SLC16A13: variants seen among roughly 807,000 people sequenced by gnomAD.
The protein encoded by SLC16A13 is solute carrier family 16 member 13, also known as monocarboxylate transporter 13.
In SLC16A13, 28 loss-of-function variants were observed where a neutral mutation model predicts 28.1. That is an observed-to-expected ratio of 1.00 (90% CI 0.74 to 1.37). SLC16A13 has a LOEUF of 1.37. Ranked by LOEUF, SLC16A13 falls within the 40% of genes most tolerant of loss-of-function variation. SLC16A13 has a pLI of 0.00. For missense variants in SLC16A13, 482 were observed against 531.8 expected (o/e 0.91, Z 0.92); for synonymous variants, 228 against 241.6 (o/e 0.94, Z 0.52).
rs1439843699 is a variant in SLC16A13 at position 7,036,935 on chromosome 17, G to T, written c.343+65G>T. 5 of 1,577,716 alleles carry T rather than the reference G, an allele frequency of 3.2e-6. No homozygotes were observed. In the East Asian group the frequency reaches 9.0e-5, roughly 28 times the overall value. ...ATCGTTGGATGTTCACCTCCTTCCTGCTCCTTCCAAAGGGTTCGGGGAGAA... is the reference window on the plus strand; with the variant it reads ...ATCGTTGGATGTTCACCTCCTTCCTTCTCCTTCCAAAGGGTTCGGGGAGAA... On this transcript the variant is annotated intron_variant, in intron 2 of 3. Coordinates refer to ENST00000308027, the MANE Select transcript of SLC16A13 (RefSeq NM_201566.3).
chr17:7,037,044 T>A, intron 2 of SLC16A13, 174 bp downstream of exon 2: 2 of 845,438 alleles, frequency 2.4e-6, no homozygotes, highest in Non-Finnish European at 3.6e-6. Flanking sequence ...GGTGAGGAAT[T>A]AGGAAATTCA....
In SLC16A13 at chr17:7,036,418, G is replaced by A. The variant is rs1164489397; in HGVS notation, c.36G>A (p.Trp12Ter). 1.2e-6 allele frequency: 2 copies of A among 1,611,884 alleles called. No individual in the cohort carries two copies. The highest frequency in any genetic ancestry group is 1.7e-6 in the Non-Finnish European group (2 of 1,179,918). The change falls in exon 1 of 4, where the codon TGG becomes TGA. Residue 12 changes from tryptophan to a stop codon, truncating the protein, a stop_gained. Transcript: ENST00000308027. LOFTEE classifies it high-confidence loss of function. ...ARRTEPPDGG[W>*]GWVVVLSAFF... ...GGACAGAGCCCCCCGACGGGGGCTG[G>A]GGATGGGTGGTGGTGCTCTCAGCGT...
In SLC16A13 at chr17:7,038,404, C is replaced by T; in HGVS notation, c.596C>T (p.Ala199Val). The change falls in exon 3 of 4, where the codon GCT becomes GTT. Residue 199 changes from alanine (A) to valine (V), a missense_variant. Coordinates refer to ENST00000308027, the MANE Select transcript of SLC16A13 (RefSeq NM_201566.3). This position sits in a 1 kb window ranked among gnomAD's most constrained non-coding sequence, Gnocchi z 5.7. Reference sequence around the variant, plus strand: ...CCACCCTCCCTGGCTGAGGACCCTGCTGTGGGTGGTCCCAGGGCCCAACTC... The same window carrying T: ...CCACCCTCCCTGGCTGAGGACCCTGTTGTGGGTGGTCCCAGGGCCCAACTC... ...LRPPSLAEDP[A>V]VGGPRAQLTS... is the part of the protein sequence containing the mutation. The T allele has an allele frequency of 6.2e-7, 1 of 1,614,134 alleles. No homozygotes were observed. The highest frequency in any genetic ancestry group is 1.3e-5 in the African/African-American group (1 of 75,038).
Position 7,038,687 on chromosome 17 carries a change from G to A in SLC16A13, c.879G>A (p.Val293=). 1 of 1,614,200 alleles carries A rather than the reference G, an allele frequency of 6.2e-7. No homozygotes were observed. Among genetic ancestry groups the A allele is most frequent in the Non-Finnish European group, 8.5e-7 (1 of 1,180,036 alleles). Residue 293 remains valine, a synonymous_variant, in exon 3 of 4, where the codon GTG becomes GTA. Transcript: ENST00000308027. The surrounding 1 kb of genome is among the most constrained non-coding windows in gnomAD (Gnocchi z 5.7). ...TGCTCTGGACCACCTTGACTGGGGT[G>A]TCACTAGCCCTGTTCCCTGTAGCTC... ...LLMLWTTLTG[V]SLALFPVAQA...
rs746676139 is a variant in SLC16A13 at position 7,038,933 on chromosome 17, C to T, written c.1081+44C>T. ...CCAGGGGGTGAGGGCTGCCATGTTG[C>T]ACAACTAGGGGAGGGTACTATTCTC... is the stretch of plus-strand genomic sequence containing the variant. On this transcript the variant is annotated intron_variant, in intron 3 of 3. Coordinates refer to ENST00000308027, the MANE Select transcript of SLC16A13 (RefSeq NM_201566.3). The surrounding 1 kb of genome is among the most constrained non-coding windows in gnomAD (Gnocchi z 5.7). 5.1e-6 allele frequency: 8 copies of T among 1,564,102 alleles called. No homozygotes were observed. The highest frequency in any genetic ancestry group is 1.4e-5 in the African/African-American group (1 of 73,678).
At chr17:7,037,157 C>A in intron 2 of SLC16A13, 1 of 240,178 alleles carries the variant, frequency 4.2e-6, no homozygotes. Context: ...TGAGACCAGC[C>A]TGGCCAACAT....
chr17:7,038,391 G>A lies in SLC16A13; in HGVS notation c.583G>A (p.Ala195Thr). 3.1e-6 allele frequency: 5 copies of A among 1,614,018 alleles called. No individual in the cohort carries two copies. The highest frequency in any genetic ancestry group is 4.2e-6 in the Non-Finnish European group (5 of 1,179,986). Residue 195 changes from alanine to threonine, a missense_variant, in exon 3 of 4, where the codon GCT becomes ACT. Physicochemically the swap from Ala to Thr is moderately conservative, Grantham distance 58. Transcript: ENST00000308027. The surrounding 1 kb of genome is among the most constrained non-coding windows in gnomAD (Gnocchi z 5.7). ...CGALLRPPSL[A>T]EDPAVGGPRA... The stretch of plus-strand genomic sequence containing the variant: ...TGCTCTCCTCCGCCCACCCTCCCTG[G>A]CTGAGGACCCTGCTGTGGGTGGTCC...
chr17:7,036,040 G>A lies in SLC16A13; in HGVS notation c.-343G>A. On this transcript the variant is annotated 5_prime_UTR_variant, in exon 1 of 4. The change creates a new upstream start codon in the 5' untranslated region. Coordinates refer to ENST00000308027, the MANE Select transcript of SLC16A13 (RefSeq NM_201566.3). ...ACACGGAAACTGGCGCGCTCCAGGG[G>A]TGGGGCCCAAACTCAGTTCCACCCT... 1 of 237,410 alleles carries A rather than the reference G, an allele frequency of 4.2e-6. No homozygotes were observed. The highest frequency in any genetic ancestry group is 8.3e-6 in the Non-Finnish European group (1 of 121,044). The allele number at this position is 237,410 out of a possible 1,614,324, so 14.7% of individuals were successfully genotyped here.
rs1910670325 is a variant in SLC16A13 at position 7,039,663 on chromosome 17, T to C, written c.1082-100T>C. 1 of 1,265,316 alleles carries C rather than the reference T, an allele frequency of 7.9e-7. No individual in the cohort carries two copies. Among genetic ancestry groups the C allele is most frequent in the South Asian group, 1.3e-5 (1 of 76,404 alleles). 78.4% of individuals were successfully genotyped at this position (1,265,316 alleles called of 1,614,324 possible). ...ACTATTCCATGGGAGTTCCAACTCC[T>C]CTGAGATGATAAGTCTTCCCTCCAC... On this transcript the variant is annotated intron_variant, in intron 3 of 3. Coordinates refer to ENST00000308027, the MANE Select transcript of SLC16A13 (RefSeq NM_201566.3). This position sits in a 1 kb window ranked among gnomAD's most constrained non-coding sequence, Gnocchi z 4.3.
At position 7,036,476 on chromosome 17, in the gene SLC16A13, C is replaced by T; in HGVS notation, c.94C>T (p.Arg32Cys). Residue 32 changes from arginine (R) to cysteine (C), a missense_variant, in exon 1 of 4, where the codon CGC becomes TGC. Arg to Cys is a radical substitution (Grantham distance 180). Transcript: ENST00000308027. ...GTCGGCGCTTGTGTTTGGGGTGCTCCGCTCCTTTGGGGTCTTCTTCGTGGA... is the reference window on the plus strand; with the variant it reads ...GTCGGCGCTTGTGTTTGGGGTGCTCTGCTCCTTTGGGGTCTTCTTCGTGGA... Reference protein sequence around the residue: ...FQSALVFGVLRSFGVFFVEFV... With the variant: ...FQSALVFGVLCSFGVFFVEFV... The T allele has an allele frequency of 6.2e-7, 1 of 1,612,386 alleles. No individual in the cohort carries two copies. The highest frequency in any genetic ancestry group is 8.5e-7 in the Non-Finnish European group (1 of 1,180,032).
chr17:7,038,811 A>T lies in SLC16A13; in HGVS notation c.1003A>T (p.Thr335Ser), dbSNP rs1481371303. 3.1e-6 allele frequency: 5 copies of T among 1,613,754 alleles called. No homozygotes were observed. Among genetic ancestry groups the T allele is most frequent in the Non-Finnish European group, 4.2e-6 (5 of 1,179,898 alleles). ...AFSVLPELIGTRRIYCGLGLL... is the reference protein window; with the variant it reads ...AFSVLPELIGSRRIYCGLGLL... ...CTCCGTGCTGCCTGAACTAATAGGG[A>T]CTAGAAGGATTTACTGTGGCCTGGG... Residue 335 changes from threonine (T) to serine (S), a missense_variant, in exon 3 of 4, where the codon ACT becomes TCT. Coordinates refer to ENST00000308027, the MANE Select transcript of SLC16A13 (RefSeq NM_201566.3). The surrounding 1 kb of genome is among the most constrained non-coding windows in gnomAD (Gnocchi z 5.7).
chr17:7,036,291 A>AC lies in SLC16A13; in HGVS notation c.-89dup. The AC allele has an allele frequency of 7.3e-7, 1 of 1,364,718 alleles. No homozygotes were observed. Among genetic ancestry groups the AC allele is most frequent in the East Asian group, 2.3e-5 (1 of 43,432 alleles). The allele number at this position is 1,364,718 out of a possible 1,614,324, so 84.5% of individuals were successfully genotyped here. Reference sequence around the variant, plus strand: ...CTCCAACCCCTCTCGGCCCCGAGCCACCCGGCAGCGGGGGTGGGTGTGCAG... The same window carrying AC: ...CTCCAACCCCTCTCGGCCCCGAGCCACCCCGGCAGCGGGGGTGGGTGTGCAG... On this transcript the variant is annotated 5_prime_UTR_variant, in exon 1 of 4. Transcript: ENST00000308027.
chr17:7,037,041 A>T, intron 2 of SLC16A13, 171 bp downstream of exon 2: 1 of 849,914 alleles, frequency 1.2e-6, no homozygotes, highest in Non-Finnish European at 1.8e-6. Context: ...CATGGTGAGG[A>T]ATTAGGAAAT....
rs1481700687 is a variant in SLC16A13, at chr17:7,036,175, G to C, written c.-208G>C. On this transcript the variant is annotated 5_prime_UTR_variant, in exon 1 of 4. Coordinates refer to ENST00000308027, the MANE Select transcript of SLC16A13 (RefSeq NM_201566.3). ...CGGGAGACTCTGGCCCGGCCAGCGC[G>C]GGCCAGGTCTTCAGTCCTATATCGC... 1.9e-6 allele frequency: 1 copy of C among 521,816 alleles called. No individual in the cohort carries two copies. The highest frequency in any genetic ancestry group is 1.9e-5 in the African/African-American group (1 of 52,318). The allele number at this position is 521,816 out of a possible 1,614,324, so 32.3% of individuals were successfully genotyped here.
Position 7,039,016 on chromosome 17 carries a change from C to T in SLC16A13, c.1081+127C>T. ...TAGTACAGTACACAGCCTGCGTGGC[C>T]AACCATAGCATCCCTGAAATGGGTC... is the stretch of plus-strand genomic sequence containing the variant. On this transcript the variant is annotated intron_variant, in intron 3 of 3. Transcript: ENST00000308027. This position sits in a 1 kb window ranked among gnomAD's most constrained non-coding sequence, Gnocchi z 4.3. The T allele has an allele frequency of 8.0e-7, 1 of 1,243,422 alleles. No individual in the cohort carries two copies. Among genetic ancestry groups the T allele is most frequent in the Non-Finnish European group, 1.1e-6 (1 of 918,912 alleles). The allele number at this position is 1,243,422 out of a possible 1,614,324, so 77.0% of individuals were successfully genotyped here. A position where few individuals can be genotyped will look rare whatever the true frequency, so the allele number is the denominator to read the frequency against.
In SLC16A13 at chr17:7,036,260, C is replaced by A; in HGVS notation, c.-123C>A. The A allele has an allele frequency of 1.0e-6, 1 of 975,086 alleles. No individual in the cohort carries two copies. Among genetic ancestry groups the A allele is most frequent in the Non-Finnish European group, 1.5e-6 (1 of 659,392 alleles). The allele number at this position is 975,086 out of a possible 1,614,324, so 60.4% of individuals were successfully genotyped here. A position where few individuals can be genotyped will look rare whatever the true frequency, so the allele number is the denominator to read the frequency against. ...GCCTCGTCGGGCCCTTCCTCTCTAC[C>A]TGCCTCTCCAACCCCTCTCGGCCCC... On this transcript the variant is annotated 5_prime_UTR_variant, in exon 1 of 4. It adds an upstream start codon to the 5' untranslated region. Transcript: ENST00000308027.
chr17:7,036,276 T>A lies in SLC16A13; in HGVS notation c.-107T>A. ...CCTCTCTACCTGCCTCTCCAACCCCTCTCGGCCCCGAGCCACCCGGCAGCG... is the reference window on the plus strand; with the variant it reads ...CCTCTCTACCTGCCTCTCCAACCCCACTCGGCCCCGAGCCACCCGGCAGCG... On this transcript the variant is annotated 5_prime_UTR_variant, in exon 1 of 4. Coordinates refer to ENST00000308027, the MANE Select transcript of SLC16A13 (RefSeq NM_201566.3). 1.7e-6 allele frequency: 2 copies of A among 1,199,970 alleles called. No individual in the cohort carries two copies. The highest frequency in any genetic ancestry group is 3.0e-4 in the Middle Eastern group (1 of 3,380). The allele number at this position is 1,199,970 out of a possible 1,614,324, so 74.3% of individuals were successfully genotyped here. A position where few individuals can be genotyped will look rare whatever the true frequency, so the allele number is the denominator to read the frequency against.
rs1322519560 is a variant in SLC16A13 at position 7,039,523 on chromosome 17, A to G, written c.1082-240A>G. On this transcript the variant is annotated intron_variant, in intron 3 of 3. Coordinates refer to ENST00000308027, the MANE Select transcript of SLC16A13 (RefSeq NM_201566.3). The surrounding 1 kb of genome is among the most constrained non-coding windows in gnomAD (Gnocchi z 4.3). The stretch of plus-strand genomic sequence containing the variant: ...GAAAGGCACAAGTATGCCTGACTCA[A>G]TCTGGATCTCCAAATCCCTGCAGGC... Among the ~76,000 whole-genome samples the G allele has an allele frequency of 6.6e-6, 1 of 152,070 alleles. No individual in the cohort carries two copies. The highest frequency in any genetic ancestry group is 2.4e-5 in the African/African-American group (1 of 41,398).
At position 7,036,323 on chromosome 17, in the gene SLC16A13, G is replaced by C; in HGVS notation, c.-60G>C. 6.6e-7 allele frequency: 1 copy of C among 1,522,736 alleles called. No homozygotes were observed. The highest frequency in any genetic ancestry group is 2.3e-5 in the East Asian group (1 of 44,196). The allele number at this position is 1,522,736 out of a possible 1,614,324, so 94.3% of individuals were successfully genotyped here. ...AGCGGGGGTGGGTGTGCAGAGGTGCGGCGTCCAGAACCCGGCTCCTGCAGA... is the reference window on the plus strand; with the variant it reads ...AGCGGGGGTGGGTGTGCAGAGGTGCCGCGTCCAGAACCCGGCTCCTGCAGA... On this transcript the variant is annotated 5_prime_UTR_variant, in exon 1 of 4. Transcript: ENST00000308027.
Sources: allele counts gnomAD v4.1 joint callset (sites outside exome capture counted in the v4.1 genomes callset), GRCh38; gene constraint gnomAD v4.1.1; non-coding constraint Gnocchi (gnomAD v3.1); transcripts MANE v1.5; gene names NCBI Gene and HGNC (gene_info 2026-07-23, HGNC 2026-07-21).